The following NRG1 variants were observed in gnomAD, a reference collection of about 807,000 sequenced individuals.
NRG1 encodes the protein neuregulin 1.
A neutral mutation model predicts 63.8 loss-of-function variants in NRG1; 18 were observed. The ratio of observed to expected loss-of-function variants is 0.28; its 90% confidence interval spans 0.19 to 0.42. NRG1 has a LOEUF of 0.42. NRG1 is among the 10% of genes least tolerant of loss of function. The pLI is 1.00. For missense variants in NRG1, 762 were observed against 814.7 expected, an observed-to-expected ratio of 0.94 and a Z score of 0.79; for synonymous variants, 302 against 301.3, an observed-to-expected ratio of 1.00 and a Z score of -0.02.
intron 1 of NRG1, among the ~76,000 whole-genome samples, chr8:31,766,964 T>C (rs946818692): frequency 6.6e-6 from 1 of 152,192 alleles, no homozygotes; most frequent in African/African-American, 2.4e-5. Context: ...ATTTCTATCC[T>C]CCCAGGATGT....
chr8:32,587,881 G>T (rs917069152), intron 1 of NRG1, among the ~76,000 whole-genome samples: 3 of 151,928 alleles, frequency 2.0e-5, no homozygotes, highest in Non-Finnish European at 4.4e-5. Context: ...TAAATTCCTT[G>T]AATGGCCCTC....
intron 5 of NRG1, among the ~76,000 whole-genome samples, chr8:32,651,928 TG>T (rs1855218470): frequency 6.6e-6 from 1 of 152,186 alleles, no homozygotes. Flanking sequence ...TGGAAGAGAC[TG>T]AAAGATCTTC....
chr8:32,297,321 C>T (rs1478911422), intron 1 of NRG1, among the ~76,000 whole-genome samples: 1 of 152,036 alleles, frequency 6.6e-6, no homozygotes, highest in Non-Finnish European at 1.5e-5. Context: ...CTGAATAAAA[C>T]CATAAATAGA....
intron 5 of NRG1, among the ~76,000 whole-genome samples, chr8:32,635,146 A>G (rs1483883397): frequency 6.6e-6 from 1 of 152,198 alleles, no homozygotes; most frequent in Non-Finnish European, 1.5e-5. Context: ...TGCAGATTGC[A>G]CTTGTTACTT....
intron 1 of NRG1, among the ~76,000 whole-genome samples, chr8:32,538,968 G>C (rs1832305679): frequency 6.6e-6 from 1 of 152,150 alleles, no homozygotes; most frequent in Non-Finnish European, 1.5e-5. Flanking sequence ...AAACAGAAGA[G>C]GAAAGTTTTG....
intron 1 of NRG1, among the ~76,000 whole-genome samples, chr8:32,232,319 A>G (rs965063525): frequency 6.6e-6 from 1 of 152,230 alleles, no homozygotes; most frequent in Non-Finnish European, 1.5e-5. Flanking sequence ...ACAGCTCAAC[A>G]GAATTGCAAA....
rs569217487 is a variant in NRG1 at position 31,772,325 on chromosome 8, A to G, written c.37+132894A>G. Among the ~76,000 whole-genome samples the G allele has an allele frequency of 3.3e-5, 5 of 152,264 alleles. No homozygotes were observed. The South Asian group carries it at 6.2e-4, about 19-fold the overall frequency. ...TGTTCATCCTGCCTCTCCCACGGAAAGACCTGTCTTCTGTTCTTCGTCACC... is the reference window on the plus strand; with the variant it reads ...TGTTCATCCTGCCTCTCCCACGGAAGGACCTGTCTTCTGTTCTTCGTCACC... On this transcript the variant is annotated intron_variant, in intron 1 of 10. Coordinates refer to the NRG1 transcript ENST00000519301.
intron 1 of NRG1, among the ~76,000 whole-genome samples, chr8:31,767,619 C>G (rs1464159205): frequency 6.6e-6 from 1 of 152,028 alleles, no homozygotes; most frequent in Non-Finnish European, 1.5e-5. Flanking sequence ...GCAGGTGGAT[C>G]ACTTGAGGTC....
chr8:32,220,225 T>G (rs1465709928), intron 1 of NRG1, among the ~76,000 whole-genome samples: 1 of 152,196 alleles, frequency 6.6e-6, no homozygotes, highest in Admixed American at 6.5e-5. Context: ...ATTGTTATTT[T>G]TAAAAATGTC....
chr8:31,743,591 T>C (rs1321897989), intron 1 of NRG1, among the ~76,000 whole-genome samples: 8 of 151,880 alleles, frequency 5.3e-5, no homozygotes, highest in African/African-American at 1.9e-4. Flanking sequence ...TGTGTGTGGG[T>C]GTGTGTGTGC....
chr8:31,921,746 T>A (rs994830263), intron 1 of NRG1, among the ~76,000 whole-genome samples: 1 of 152,146 alleles, frequency 6.6e-6, no homozygotes, highest in Non-Finnish European at 1.5e-5. Flanking sequence ...CCATGAGATG[T>A]TGAGCACTAA....
At chr8:31,775,509 T>C (rs1386770777) in intron 1 of NRG1, among the ~76,000 whole-genome samples, 5 of 152,140 alleles carry the variant, frequency 3.3e-5, no homozygotes, top group African/African-American at 4.8e-5. Flanking sequence ...ATTCAGGCAA[T>C]GGTCACACTA....
chr8:32,526,692 T>A (rs1285602434), intron 1 of NRG1, among the ~76,000 whole-genome samples: 2 of 152,108 alleles, frequency 1.3e-5, no homozygotes, highest in African/African-American at 4.8e-5. Context: ...TCTTGCACAA[T>A]CCAGTGAACT....
intron 1 of NRG1, among the ~76,000 whole-genome samples, chr8:32,356,051 T>A (rs1806344378): frequency 6.6e-6 from 1 of 152,156 alleles, no homozygotes; most frequent in Non-Finnish European, 1.5e-5. Flanking sequence ...GTCTTGTCAT[T>A]GTACCATGAC....
chr8:31,927,730 G>C (rs1434817539), intron 1 of NRG1, among the ~76,000 whole-genome samples: 3 of 149,530 alleles, frequency 2.0e-5, no homozygotes, highest in African/African-American at 7.3e-5. Context: ...TTACAGGCGT[G>C]AGCCACCGCG....
chr8:31,967,742 C>T (rs969554858), intron 1 of NRG1, among the ~76,000 whole-genome samples: 4 of 152,184 alleles, frequency 2.6e-5, no homozygotes, highest in Admixed American at 1.3e-4. Context: ...AAAAAACCAC[C>T]AGTCTGCAGG....
intron 1 of NRG1, among the ~76,000 whole-genome samples, chr8:31,700,015 C>CT (rs1810473612): frequency 6.6e-6 from 1 of 152,184 alleles, no homozygotes; most frequent in Non-Finnish European, 1.5e-5. Flanking sequence ...AATACATCAA[C>CT]TAGACATAGT....
At chr8:31,915,468 A>G (rs973337118) in intron 1 of NRG1, among the ~76,000 whole-genome samples, 2 of 152,130 alleles carry the variant, frequency 1.3e-5, no homozygotes, top group Non-Finnish European at 2.9e-5. Context: ...CTGTCAGCTT[A>G]CCTTTTTCTG....
chr8:32,208,255 A>G lies in NRG1; in HGVS notation c.38-387573A>G, dbSNP rs568549121. Among the ~76,000 whole-genome samples the G allele has an allele frequency of 2.0e-5, 3 of 151,784 alleles. No homozygotes were observed. In the South Asian group the frequency reaches 6.3e-4, roughly 32 times the overall value. ...GTTGTAAGGAAATGGGTACTCTCAA[A>G]CATTGCTGGTGGGACTATGAAGTGT... On this transcript the variant is annotated intron_variant, in intron 1 of 10. Coordinates refer to the NRG1 transcript ENST00000519301.
Sources: gnomAD v4.1 joint callset for allele counts (sites outside exome capture counted in the v4.1 genomes callset) on GRCh38, gnomAD v4.1.1 for gene constraint, MANE v1.5 for transcripts, NCBI Gene and HGNC (gene_info 2026-07-23, HGNC 2026-07-21) for gene names.